Variants in GTPBP1 observed in about 807,000 individuals in gnomAD.
GTPBP1 encodes GTP binding protein 1, also known as GTP-binding protein 1.
Under a neutral mutation model 62.0 loss-of-function variants are expected in GTPBP1, and 23 were observed. That is an observed-to-expected ratio of 0.37 (90% CI 0.27 to 0.53). The LOEUF (loss-of-function observed/expected upper bound fraction) is 0.53. Ranked by LOEUF, GTPBP1 falls within the 20% of genes least tolerant of loss-of-function variation. GTPBP1 has a pLI of 0.89. For missense variants in GTPBP1, 640 were observed against 917.3 expected, an observed-to-expected ratio of 0.70 and a Z score of 3.90; for synonymous variants, 344 against 364.4, an observed-to-expected ratio of 0.94 and a Z score of 0.64.
downstream of GTPBP1, among the ~76,000 whole-genome samples, chr22:38,737,358 C>T (rs547910542): frequency 4.5e-4 from 69 of 152,188 alleles, no homozygotes; most frequent in African/African-American, 1.6e-3. This position sits in a 1 kb window ranked among gnomAD's most constrained non-coding sequence, Gnocchi z 4.1. Flanking sequence ...ACATTCACGA[C>T]CCTCCCTGCT....
downstream of GTPBP1, chr22:38,740,485 G>C: frequency 2.1e-6 from 3 of 1,413,004 alleles, no homozygotes; most frequent in Non-Finnish European, 2.8e-6. The surrounding 1 kb of genome is among the most constrained non-coding windows in gnomAD (Gnocchi z 4.8). Flanking sequence ...GGGAGGTAAG[G>C]CCACACCAAA....
chr22:38,725,820 TGGC>T (rs1398646440), intron 6 of GTPBP1, 183 bp from the exon 7 acceptor site: 1 of 618,196 alleles, frequency 1.6e-6, no homozygotes, highest in African/African-American at 1.8e-5. Context: ...AGAGTAGGGC[TGGC>T]CAGGAGCTTG....
downstream of GTPBP1, chr22:38,742,744 A>T (rs1015270685): frequency 8.9e-6 from 6 of 675,554 alleles, no homozygotes; most frequent in Non-Finnish European, 1.4e-5. Context: ...GTGTGCTGGG[A>T]GCCAGGGATC....
At position 38,716,550 on chromosome 22, in the gene GTPBP1, G is replaced by T; in HGVS notation, c.486-102G>T. ...GAGCTGTGAGCCGGAGGGGATCGGG[G>T]CAAGCCTGGACTTGCGGATCCAATT... On this transcript the variant is annotated intron_variant, in intron 3 of 11. Coordinates refer to ENST00000216044, the MANE Select transcript of GTPBP1 (RefSeq NM_004286.5). The surrounding 1 kb of genome is among the most constrained non-coding windows in gnomAD (Gnocchi z 5.2). The T allele has an allele frequency of 1.2e-6, 1 of 854,300 alleles. No homozygotes were observed. The highest frequency in any genetic ancestry group is 2.2e-5 in the Admixed American group (1 of 45,684). The allele number at this position is 854,300 out of a possible 1,614,324, so 52.9% of individuals were successfully genotyped here.
intron 2 of GTPBP1, among the ~76,000 whole-genome samples, chr22:38,709,837 C>A (rs185511551): frequency 2.2e-4 from 33 of 152,326 alleles, no homozygotes; most frequent in African/African-American, 7.0e-4. Flanking sequence ...AGGCTTGTAA[C>A]CATTCTGAAA....
At chr22:38,715,709 T>C (rs2092665913) in intron 2 of GTPBP1, among the ~76,000 whole-genome samples, 198 bp from the exon 3 acceptor site, 1 of 152,182 alleles carries the variant, frequency 6.6e-6, no homozygotes, top group African/African-American at 2.4e-5. Context: ...CTCTGCTTGA[T>C]GGAGAGGTCT....
rs138530201 is a variant in GTPBP1, at chr22:38,731,379, A to G, written c.*675A>G. 6.5e-6 allele frequency: 1 copy of G among 152,714 alleles called. No homozygotes were observed. Among genetic ancestry groups the G allele is most frequent in the African/African-American group, 2.4e-5 (1 of 41,560 alleles). The allele number at this position is 152,714 out of a possible 1,614,324, so 9.5% of individuals were successfully genotyped here. On this transcript the variant is annotated 3_prime_UTR_variant, in exon 12 of 12. Coordinates refer to ENST00000216044, the MANE Select transcript of GTPBP1 (RefSeq NM_004286.5). ...CCCTTTAAGCCCACAGATTCAGGTC[A>G]TGCCAAAAGCTCTCTGGTTGTAACC... is the stretch of plus-strand genomic sequence containing the variant.
Position 38,731,010 on chromosome 22 carries a change from T to TTTTGTGTGTGTG in GTPBP1, c.*307_*308insTTGTGTGTGTGT, listed in dbSNP as rs1556001665. ...TATTATATGTCTCTGTCTCTCTCTA[T>TTTTGTGTGTGTG]TGTGTGTGTGTGTGTGTGTGTGTGT... On this transcript the variant is annotated 3_prime_UTR_variant, in exon 12 of 12. Coordinates refer to ENST00000216044, the MANE Select transcript of GTPBP1 (RefSeq NM_004286.5). The TTTTGTGTGTGTG allele has an allele frequency of 5.5e-6, 1 of 182,804 alleles. No homozygotes were observed. Among genetic ancestry groups the TTTTGTGTGTGTG allele is most frequent in the East Asian group, 1.6e-4 (1 of 6,340 alleles). 11.3% of individuals were successfully genotyped at this position (182,804 alleles called of 1,614,324 possible).
chr22:38,742,440 A>G (rs757604996), downstream of GTPBP1: 3 of 1,613,530 alleles, frequency 1.9e-6, no homozygotes, highest in Non-Finnish European at 2.5e-6. Context: ...CCCTTGCCGC[A>G]GCTCCAGACG....
intron 6 of GTPBP1, 193 bp from the exon 7 acceptor site, chr22:38,725,813 G>A (rs1221971053): frequency 9.9e-6 from 6 of 606,722 alleles, no homozygotes; most frequent in Admixed American, 5.7e-5. Flanking sequence ...AGGCCTCAGA[G>A]TAGGGCTGGC....
Position 38,730,595 on chromosome 22 carries a change from C to T in GTPBP1, c.1918-17C>T, listed in dbSNP as rs2092752331. 6.4e-7 allele frequency: 1 copy of T among 1,561,950 alleles called. No individual in the cohort carries two copies. Among genetic ancestry groups the T allele is most frequent in the African/African-American group, 1.3e-5 (1 of 74,198 alleles). On this transcript the variant is annotated splice_polypyrimidine_tract_variant and intron_variant, in intron 11 of 11. Coordinates refer to ENST00000216044, the MANE Select transcript of GTPBP1 (RefSeq NM_004286.5). This position sits in a 1 kb window ranked among gnomAD's most constrained non-coding sequence, Gnocchi z 5.6. Reference sequence around the variant, plus strand: ...CTGATGGGCCAGTGCTTCTCAAGCTCCTTCTCTCTCTTTCAGCCTAAGCCC... The same window carrying T: ...CTGATGGGCCAGTGCTTCTCAAGCTTCTTCTCTCTCTTTCAGCCTAAGCCC...
intron 6 of GTPBP1, among the ~76,000 whole-genome samples, chr22:38,724,858 T>C (rs1167184635): frequency 6.6e-6 from 1 of 152,204 alleles, no homozygotes; most frequent in Non-Finnish European, 1.5e-5. Flanking sequence ...ACTAATCAGA[T>C]CAGTTTTGGC....
Position 38,730,418 on chromosome 22 carries a change from C to T in GTPBP1, c.1918-194C>T, listed in dbSNP as rs542287159. ...CCCTGTAAGGAAGGCAGGGCAGGCACTGGCTCCATTTTAGAGACAGAGGGG... is the reference window on the plus strand; with the variant it reads ...CCCTGTAAGGAAGGCAGGGCAGGCATTGGCTCCATTTTAGAGACAGAGGGG... On this transcript the variant is annotated intron_variant, in intron 11 of 11. Transcript: ENST00000216044. This position sits in a 1 kb window ranked among gnomAD's most constrained non-coding sequence, Gnocchi z 5.6. 6.6e-6 allele frequency among the ~76,000 whole-genome samples: 1 copy of T among 152,348 alleles called. No homozygotes were observed. The highest frequency in any genetic ancestry group is 2.4e-5 in the African/African-American group (1 of 41,582).
Position 38,727,333 on chromosome 22 carries a change from C to A in GTPBP1, c.1522C>A (p.Arg508Ser). 1.9e-6 allele frequency: 3 copies of A among 1,581,626 alleles called. No homozygotes were observed. The highest frequency in any genetic ancestry group is 2.6e-6 in the Non-Finnish European group (3 of 1,163,268). ...VLHHPTTISP[R>S]YQAMVHCGSI... ...CCACCACCCCACCACAATTAGCCCG[C>A]GCTACCAGGCCATGGGTAGGTGTCT... is the stretch of plus-strand genomic sequence containing the variant. The change falls in exon 9 of 12, where the codon CGC becomes AGC. Residue 508 changes from arginine to serine, a missense_variant. Physicochemically the swap from Arg to Ser is moderately radical, Grantham distance 110 (BLOSUM62 -1). Around this residue, in one of 4 missense-constraint regions of GTPBP1, gnomAD observed 220 missense variants for 358.1 expected, o/e 0.61. Transcript: ENST00000216044. This position sits in a 1 kb window ranked among gnomAD's most constrained non-coding sequence, Gnocchi z 6.5.
chr22:38,728,945 A>T (rs2092741169), intron 10 of GTPBP1: 1 of 152,872 alleles, frequency 6.5e-6, no homozygotes, highest in Admixed American at 6.5e-5. Context: ...CTGAGGAGAC[A>T]TTCACTTGGT....
downstream of GTPBP1, chr22:38,735,537 A>G (rs1569291335): frequency 4.0e-6 from 1 of 248,278 alleles, no homozygotes; most frequent in East Asian, 1.3e-4. Context: ...CCAACCTAGC[A>G]TCAGGAGAGA....
chr22:38,709,403 A>T (rs2092625386), intron 2 of GTPBP1, among the ~76,000 whole-genome samples: 1 of 152,238 alleles, frequency 6.6e-6, no homozygotes, highest in African/African-American at 2.4e-5. Context: ...TTTGGAGTAC[A>T]TAAAAGTACA....
chr22:38,723,863 A>C (rs747640598), intron 5 of GTPBP1, among the ~76,000 whole-genome samples: 1 of 152,252 alleles, frequency 6.6e-6, no homozygotes, highest in Non-Finnish European at 1.5e-5. Context: ...ATTGTAGAAA[A>C]GTATCCCTTT....
At chr22:38,742,292 A>C (rs1603220667), downstream of GTPBP1, 4 of 1,587,138 alleles carry the variant, frequency 2.5e-6, no homozygotes, top group Non-Finnish European at 3.4e-6. Context: ...GAGGTATTCC[A>C]CCTCCTACCT....
Sources: gnomAD v4.1 joint callset for allele counts (sites outside exome capture counted in the v4.1 genomes callset) on GRCh38, gnomAD v4.1.1 for gene constraint, gnomAD v4.1.1 regional missense constraint, Gnocchi (gnomAD v3.1) non-coding constraint, MANE v1.5 for transcripts, NCBI Gene and HGNC (gene_info 2026-07-23, HGNC 2026-07-21) for gene names.